The following PCNX2 variants were observed in gnomAD, a reference collection of about 807,000 sequenced individuals.
PCNX2 encodes pecanex 2.
PCNX2 carries 168 observed loss-of-function variants against 223.8 expected under a neutral mutation model. The ratio of observed to expected loss-of-function variants is 0.75; its 90% CI spans 0.66 to 0.85. The LOEUF (loss-of-function observed/expected upper bound fraction) is 0.85, where lower values mean the gene tolerates loss of function less well. PCNX2 is among the 40% of genes least tolerant of loss of function. PCNX2 has a pLI of 0.00. For synonymous variants in PCNX2, 1,006 were observed against 1,052.6 expected, an observed-to-expected ratio of 0.96 and a Z score of 0.86; for missense variants, 2,507 against 2,675.5, an observed-to-expected ratio of 0.94 and a Z score of 1.39.
chr1:233,008,442 T>C (rs1670358712), intron 28 of PCNX2, among the ~76,000 whole-genome samples: 1 of 152,224 alleles, frequency 6.6e-6, no homozygotes, highest in Non-Finnish European at 1.5e-5. Flanking sequence ...TCTCTTGCCC[T>C]CATTGTCATC....
In PCNX2 at chr1:233,261,293, T is replaced by G. The variant is rs774537267; in HGVS notation, c.509A>C (p.Asp170Ala). The change falls in exon 4 of 34, where the codon GAT (aspartate) becomes GCT (alanine). Residue 170 changes from aspartate (D) to alanine (A), a missense_variant. Physicochemically the swap from Asp to Ala is moderately radical, Grantham distance 126. This residue lies in a region of PCNX2 where 1,031 missense variants were observed against 1,021.7 expected (regional missense o/e 1.01). Transcript: ENST00000258229. Reference sequence around the variant, plus strand: ...AATGATTAACAGTTTACCTTTGAGATCTTCTACAGTTTCCTGTGCTGACAA... The same window carrying G: ...AATGATTAACAGTTTACCTTTGAGAGCTTCTACAGTTTCCTGTGCTGACAA... ...LELSAQETVE[D>A]LKGVILLEDH... 3.5e-5 allele frequency: 56 copies of G among 1,611,406 alleles called. No individual in the cohort carries two copies. The highest frequency in any genetic ancestry group is 4.6e-5 in the Non-Finnish European group (54 of 1,177,896).
rs530442466 is a variant in PCNX2, at chr1:233,112,732, A to G, written c.3838-16869T>C. 3.5e-6 allele frequency: 3 copies of G among 869,046 alleles called. No individual in the cohort carries two copies. The East Asian group carries it at 2.0e-4, about 57-fold the overall frequency. 53.8% of individuals were successfully genotyped at this position (869,046 alleles called of 1,614,324 possible). On this transcript the variant is annotated intron_variant, in intron 21 of 33. Transcript: ENST00000258229. ...CTTTGAACAATATAACTAAATTCAC[A>G]TATTTATTATAGTATACTTTGGCAT...
At chr1:233,024,636 C>A (rs1671019993) in intron 26 of PCNX2, among the ~76,000 whole-genome samples, 2 of 152,184 alleles carry the variant, frequency 1.3e-5, no homozygotes, top group Admixed American at 1.3e-4. Flanking sequence ...AGGCACTGAG[C>A]AACTGAAAAA....
intron 25 of PCNX2, among the ~76,000 whole-genome samples, chr1:233,032,403 G>A (rs771072839): frequency 3.9e-5 from 6 of 152,110 alleles, no homozygotes; most frequent in South Asian, 2.1e-4. Flanking sequence ...GCACCCAGCC[G>A]ACAGTTTTCA....
chr1:233,196,331 A>AT (rs1289637413), intron 15 of PCNX2, among the ~76,000 whole-genome samples: 1 of 152,114 alleles, frequency 6.6e-6, no homozygotes, highest in African/African-American at 2.4e-5. Context: ...TAGGTAAGAC[A>AT]TAAAAAAAAC....
intron 1 of PCNX2, chr1:233,289,311 A>G: frequency 9.9e-7 from 1 of 1,011,708 alleles, no homozygotes; most frequent in South Asian, 1.3e-5. Flanking sequence ...CTTGGCTGCC[A>G]TAATATTCAG....
intron 1 of PCNX2, chr1:233,284,976 G>A (rs1338133493): frequency 2.0e-6 from 2 of 985,360 alleles, no homozygotes; most frequent in African/African-American, 1.7e-5. Context: ...AACAGTCCGT[G>A]TTCCTAACTA....
chr1:233,079,385 C>T (rs1358037823), intron 23 of PCNX2, among the ~76,000 whole-genome samples: 4 of 151,834 alleles, frequency 2.6e-5, no homozygotes, highest in African/African-American at 9.7e-5. Context: ...ATTAGTAGGG[C>T]ATGGTGGCAG....
At chr1:233,085,293 C>T (rs1275853334) in intron 23 of PCNX2, among the ~76,000 whole-genome samples, 2 of 150,424 alleles carry the variant, frequency 1.3e-5, no homozygotes, top group Admixed American at 1.3e-4. Context: ...GATTGTGCCA[C>T]TGCACTCCAG....
intron 21 of PCNX2, among the ~76,000 whole-genome samples, chr1:233,127,080 C>T (rs890274623): frequency 6.6e-6 from 1 of 152,176 alleles, no homozygotes; most frequent in Non-Finnish European, 1.5e-5. Context: ...ATTTCCTATT[C>T]AGTTCCAAGA....
chr1:233,232,880 T>C (rs1351457947), intron 9 of PCNX2: 4 of 985,156 alleles, frequency 4.1e-6, no homozygotes, highest in Non-Finnish European at 4.8e-6. Context: ...ATAATAATAA[T>C]AATAATGCCA....
intron 1 of PCNX2, among the ~76,000 whole-genome samples, chr1:233,289,756 G>C (rs1315533442): frequency 6.6e-6 from 1 of 152,212 alleles, no homozygotes; most frequent in Admixed American, 6.5e-5. Flanking sequence ...TGAGGAAACT[G>C]GATAACAATG....
chr1:233,194,708 C>G lies in PCNX2; in HGVS notation c.3066+4231G>C, dbSNP rs533954824. On this transcript the variant is annotated intron_variant, in intron 15 of 33. Coordinates refer to ENST00000258229, the MANE Select transcript of PCNX2 (RefSeq NM_014801.4). ...GCCATTACATAATGTCAAAACAAGACAAAGCATTACAAGAAAAGAAAAGTT... is the reference window on the plus strand; with the variant it reads ...GCCATTACATAATGTCAAAACAAGAGAAAGCATTACAAGAAAAGAAAAGTT... Among the ~76,000 whole-genome samples, 5 of 152,070 alleles carry G rather than the reference C, an allele frequency of 3.3e-5. No individual in the cohort carries two copies. The East Asian group carries it at 7.7e-4, about 24-fold the overall frequency.
intron 21 of PCNX2, among the ~76,000 whole-genome samples, chr1:233,105,098 A>T (rs1241892235): frequency 2.6e-5 from 4 of 152,134 alleles, no homozygotes; most frequent in African/African-American, 7.2e-5. Flanking sequence ...CTAATGTAAA[A>T]ATTCAACAAG....
intron 1 of PCNX2, among the ~76,000 whole-genome samples, chr1:233,278,137 T>C (rs1289305295): frequency 6.6e-6 from 1 of 152,234 alleles, no homozygotes; most frequent in East Asian, 1.9e-4. Flanking sequence ...GTCTACTCTT[T>C]GTGTCTACTC....
At chr1:233,276,280 G>C (rs1660909394) in intron 1 of PCNX2, among the ~76,000 whole-genome samples, 1 of 152,134 alleles carries the variant, frequency 6.6e-6, no homozygotes, top group African/African-American at 2.4e-5. Context: ...CAAACTCATA[G>C]AGACAAAAAG....
Position 233,063,636 on chromosome 1 carries a change from G to T in PCNX2, c.4077-6346C>A, listed in dbSNP as rs1449442418. On this transcript the variant is annotated intron_variant, in intron 23 of 33. Coordinates refer to ENST00000258229, the MANE Select transcript of PCNX2 (RefSeq NM_014801.4). Reference sequence around the variant, plus strand: ...TGTGAATTTATTTTAGTTTATTATGGTCATGACTTAGATTCCTGAAATTGA... The same window carrying T: ...TGTGAATTTATTTTAGTTTATTATGTTCATGACTTAGATTCCTGAAATTGA... 2.0e-5 allele frequency among the ~76,000 whole-genome samples: 3 copies of T among 152,028 alleles called. No homozygotes were observed. The East Asian group carries it at 5.8e-4, about 29-fold the overall frequency.
At chr1:233,153,742 AT>A (rs999062926) in intron 19 of PCNX2, among the ~76,000 whole-genome samples, 8 of 152,034 alleles carry the variant, frequency 5.3e-5, no homozygotes, top group African/African-American at 1.7e-4. Flanking sequence ...AGCAGAAAGT[AT>A]TTTTTTTCTG....
chr1:233,030,235 A>G (rs1378897277), intron 25 of PCNX2, among the ~76,000 whole-genome samples: 1 of 152,040 alleles, frequency 6.6e-6, no homozygotes, highest in African/African-American at 2.4e-5. Flanking sequence ...TTCATTTCAG[A>G]CATTGTATTT....
Sources: gnomAD v4.1 joint callset for allele counts (sites outside exome capture counted in the v4.1 genomes callset) on GRCh38, gnomAD v4.1.1 for gene constraint, gnomAD v4.1.1 regional missense constraint, MANE v1.5 for transcripts, NCBI Gene and HGNC (gene_info 2026-07-23, HGNC 2026-07-21) for gene names.